The following MTOR variants were observed in gnomAD, a reference collection of about 807,000 sequenced individuals.
MTOR encodes the protein serine/threonine-protein kinase mTOR.
In MTOR, 70 loss-of-function variants were observed where a neutral mutation model predicts 319.8. The ratio of observed to expected loss-of-function variants is 0.22; its 90% CI spans 0.18 to 0.27. The LOEUF is 0.27. Among genes scored for constraint, MTOR ranks in the 10% least tolerant of loss-of-function variants. The pLI, the probability that MTOR is intolerant of heterozygous loss-of-function variation, is 1.00. For missense variants in MTOR, 1,890 were observed against 3,274.4 expected, an observed-to-expected ratio of 0.58 and a Z score of 10.32; for synonymous variants, 1,183 against 1,211.4, an observed-to-expected ratio of 0.98 and a Z score of 0.49.
intron 8 of MTOR, among the ~76,000 whole-genome samples, chr1:11,246,559 A>G (rs767773757): frequency 6.6e-6 from 1 of 151,950 alleles, no homozygotes; most frequent in Non-Finnish European, 1.5e-5. Context: ...TCTTTCGAAC[A>G]GCGTGTTTAA....
At chr1:11,157,048 T>C (rs541993192) in intron 30 of MTOR, 104 bp downstream of exon 30, 3 of 1,397,478 alleles carry the variant, frequency 2.1e-6, no homozygotes, top group Admixed American at 2.4e-5. Context: ...ACAAAATGAG[T>C]CTGAAGTGAG....
At chr1:11,253,073 G>C (rs1037355371) in intron 6 of MTOR, among the ~76,000 whole-genome samples, 2 of 152,130 alleles carry the variant, frequency 1.3e-5, no homozygotes, top group Non-Finnish European at 2.9e-5. Flanking sequence ...GCCAACTTTG[G>C]CTTGAGGACC....
At chr1:11,248,368 C>T (rs1435279155) in intron 6 of MTOR, among the ~76,000 whole-genome samples, 1 of 152,188 alleles carries the variant, frequency 6.6e-6, no homozygotes, top group Non-Finnish European at 1.5e-5. Flanking sequence ...TCCCAGGACT[C>T]CTCACTTGGT....
chr1:11,188,517 G>A (rs527763028), intron 28 of MTOR, among the ~76,000 whole-genome samples: 1 of 152,234 alleles, frequency 6.6e-6, no homozygotes, highest in Non-Finnish European at 1.5e-5. Context: ...TTTGAACCAC[G>A]GGCTAAGGAT....
At chr1:11,147,476 T>C (rs138585468) in intron 31 of MTOR, among the ~76,000 whole-genome samples, 171 of 152,272 alleles carry the variant, frequency 1.1e-3, no homozygotes, top group Middle Eastern at 3.4e-3. Flanking sequence ...TCCAAGACCA[T>C]CTGCAGAAAA....
chr1:11,219,315 G>C (rs769402690), intron 19 of MTOR, among the ~76,000 whole-genome samples: 30 of 152,046 alleles, frequency 2.0e-4, no homozygotes, highest in African/African-American at 7.0e-4. Flanking sequence ...CTGTCCACTG[G>C]TAAAAGGAGA....
intron 20 of MTOR, 27 bp downstream of exon 20, chr1:11,216,121 G>A (rs750851546): frequency 6.4e-7 from 1 of 1,556,362 alleles, no homozygotes; most frequent in Non-Finnish European, 8.8e-7. Context: ...AAACATGGAA[G>A]AGGCCAAAGC....
intron 25 of MTOR, among the ~76,000 whole-genome samples, chr1:11,205,924 C>T (rs1213261325): frequency 6.6e-6 from 1 of 152,226 alleles, no homozygotes; most frequent in African/African-American, 2.4e-5. Flanking sequence ...GCTATACCAT[C>T]AAGGACTCAA....
chr1:11,248,005 A>G lies in MTOR; in HGVS notation c.930T>C (p.Pro310=). The G allele has an allele frequency of 6.2e-7, 1 of 1,614,106 alleles. No homozygotes were observed. Among genetic ancestry groups the G allele is most frequent in the East Asian group, 2.2e-5 (1 of 44,882 alleles). The change falls in exon 7 of 58, where the codon CCT becomes CCC. Residue 310 remains proline, a synonymous_variant. Transcript: ENST00000361445. ...AACTGGTGAAGGGGGTAATGTGACG[A>G]GGTTTTGTTCCGAAGCCCATGAGAT... ...CKDLMGFGTK[P]RHITPFTSFQ...
intron 34 of MTOR, among the ~76,000 whole-genome samples, chr1:11,142,176 G>A (rs538427481): frequency 3.6e-4 from 54 of 152,098 alleles, no homozygotes; most frequent in Non-Finnish European, 6.5e-4. Flanking sequence ...GCAAATCTCC[G>A]TTGTGTTTCA....
intron 6 of MTOR, among the ~76,000 whole-genome samples, chr1:11,253,197 A>G (rs1410990925): frequency 6.6e-6 from 1 of 151,808 alleles, no homozygotes; most frequent in Non-Finnish European, 1.5e-5. Context: ...TCCTCCCCAT[A>G]TTCTCTTGAA....
chr1:11,178,341 G>C (rs778686920), intron 28 of MTOR, among the ~76,000 whole-genome samples: 2 of 152,180 alleles, frequency 1.3e-5, no homozygotes, highest in Non-Finnish European at 2.9e-5. Context: ...GGCAGAGAGA[G>C]GTGCACAACC....
Position 11,195,016 on chromosome 1 carries a change from A to G in MTOR, c.4253+4242T>C, listed in dbSNP as rs138507629. 9.1e-5 allele frequency: 147 copies of G among 1,613,598 alleles called. No individual in the cohort carries two copies. Among genetic ancestry groups the G allele is most frequent in the African/African-American group, 9.1e-4 (68 of 75,040 alleles). On this transcript the variant is annotated intron_variant, in intron 28 of 57. Coordinates refer to ENST00000361445, the MANE Select transcript of MTOR (RefSeq NM_004958.4). ...ATGAAAATCCGCCCAGAAGACTTCA[A>G]GCCTTAAAAGGAGGCTGCCGTGGAG...
Position 11,157,135 on chromosome 1 carries a change from C to A in MTOR, c.4469+17G>T. 1 of 1,579,178 alleles carries A rather than the reference C, an allele frequency of 6.3e-7. No individual in the cohort carries two copies. On this transcript the variant is annotated intron_variant, in intron 30 of 57. Transcript: ENST00000361445. ...AGTCTCTTGCAGCCACACATGCCAT[C>A]ATTCTAGGAAGCTCACCATTCCCCC...
rs750031278 is a variant in MTOR at position 11,240,330 on chromosome 1, G to A, written c.1759C>T (p.Arg587Ter). Reference protein sequence around the residue: ...SDVGSITLALRTLGSFEFEGH... With the variant: ...SDVGSITLAL ...TCAAATTCAAAGCTGCCAAGCGTTC[G>A]GAGGGCAAGAGTGATGCTGCCCACA... Residue 587 changes from arginine (R) to a stop codon, truncating the protein, a stop_gained, in exon 11 of 58, where the codon CGA (arginine) becomes TGA (stop). Transcript: ENST00000361445. LOFTEE classifies it high-confidence loss of function. 1.3e-6 allele frequency: 2 copies of A among 1,577,102 alleles called. No homozygotes were observed. Among genetic ancestry groups the A allele is most frequent in the Non-Finnish European group, 1.7e-6 (2 of 1,160,250 alleles).
rs1642504429 is a variant in MTOR at position 11,121,173 on chromosome 1, A to G, written c.6933+73T>C. On this transcript the variant is annotated intron_variant, in intron 49 of 57. Transcript: ENST00000361445. This position sits in a 1 kb window ranked among gnomAD's most constrained non-coding sequence, Gnocchi z 4.9. ...AAGAAGAGCCGCTGTGTGCACATGA[A>G]CAGATGGGAGGGCCATCCTATTGCG... The G allele has an allele frequency of 6.3e-7, 1 of 1,592,702 alleles. No individual in the cohort carries two copies. Among genetic ancestry groups the G allele is most frequent in the African/African-American group, 1.3e-5 (1 of 74,618 alleles).
chr1:11,160,934 G>C (rs1206439438), intron 29 of MTOR, among the ~76,000 whole-genome samples: 1 of 152,058 alleles, frequency 6.6e-6, no homozygotes, highest in Non-Finnish European at 1.5e-5. Context: ...TCGGACAGTG[G>C]GTGCAGGACA....
chr1:11,249,314 T>C (rs2100945827), intron 6 of MTOR, among the ~76,000 whole-genome samples: 1 of 152,064 alleles, frequency 6.6e-6, no homozygotes, highest in East Asian at 1.9e-4. Flanking sequence ...TCTAAACTTT[T>C]CTTGACACAC....
At chr1:11,157,936 T>A (rs1417327777) in intron 29 of MTOR, among the ~76,000 whole-genome samples, 1 of 152,204 alleles carries the variant, frequency 6.6e-6, no homozygotes, top group Non-Finnish European at 1.5e-5. Flanking sequence ...TCCCATCCAA[T>A]GTTCCCTCCT....
Sources: allele counts gnomAD v4.1 joint callset (sites outside exome capture counted in the v4.1 genomes callset), GRCh38; gene constraint gnomAD v4.1.1; non-coding constraint Gnocchi (gnomAD v3.1); transcripts MANE v1.5; gene names NCBI Gene and HGNC (gene_info 2026-07-23, HGNC 2026-07-21).